PEX14: variants seen among roughly 807,000 people sequenced by gnomAD.
PEX14 encodes peroxisomal membrane protein PEX14.
PEX14 carries 15 observed loss-of-function variants against 49.5 expected under a neutral mutation model. That is an observed-to-expected ratio of 0.30 (90% CI 0.20 to 0.47). PEX14 has a LOEUF of 0.47. Ranked by LOEUF, PEX14 falls within the 20% of genes least tolerant of loss-of-function variation. The probability of loss-of-function intolerance (pLI) is 1.00; values close to 1 mark genes in which losing one functional copy is unlikely to be tolerated. For missense variants in PEX14, 398 were observed against 494.8 expected (o/e 0.80, Z 1.86); for synonymous variants, 210 against 212.7 (o/e 0.99, Z 0.11).
chr1:10,534,828 C>T (rs76853348), intron 2 of PEX14, among the ~76,000 whole-genome samples: 2,034 of 152,258 alleles, frequency 0.013, 20 homozygotes, highest in Admixed American at 0.023. Context: ...AAGCCTCCCA[C>T]GGAGGGGTTG....
intron 7 of PEX14, among the ~76,000 whole-genome samples, chr1:10,625,793 G>A (rs1441566717): frequency 2.0e-5 from 3 of 152,246 alleles, no homozygotes; most frequent in African/African-American, 7.2e-5. Flanking sequence ...CTGAGATTAA[G>A]ACCACATGTT....
chr1:10,503,655 A>G (rs549134151), intron 2 of PEX14, among the ~76,000 whole-genome samples: 59 of 152,090 alleles, frequency 3.9e-4, no homozygotes, highest in African/African-American at 1.4e-3. Context: ...AAAAGCCCCC[A>G]GTGTGAAAAC....
chr1:10,491,871 C>T (rs1180284227), intron 1 of PEX14, among the ~76,000 whole-genome samples: 5 of 151,528 alleles, frequency 3.3e-5, no homozygotes, highest in African/African-American at 7.3e-5. Flanking sequence ...TTTGTAGAGA[C>T]GGGGTTTCGC....
intron 5 of PEX14, among the ~76,000 whole-genome samples, chr1:10,619,000 G>A (rs770388929): frequency 7.2e-5 from 11 of 152,208 alleles, no homozygotes; most frequent in Non-Finnish European, 1.3e-4. Flanking sequence ...TAAGAGCGGC[G>A]GTGAGAACCT....
intron 3 of PEX14, among the ~76,000 whole-genome samples, chr1:10,542,727 C>CTCCA (rs61394893): frequency 0.16 from 24,243 of 152,064 alleles, 2,129 homozygotes; most frequent in South Asian, 0.31. Context: ...TGTCACCGCA[C>CTCCA]TCCAGCCTGG....
In PEX14 at chr1:10,512,199, C is replaced by T. The variant is rs1297655726; in HGVS notation, c.84+16878C>T. On this transcript the variant is annotated intron_variant, in intron 2 of 8. Transcript: ENST00000356607. The surrounding 1 kb of genome is among the most constrained non-coding windows in gnomAD (Gnocchi z 4.6). The stretch of plus-strand genomic sequence containing the variant: ...GGTCTCGACCTCCTGACCTCGTGAT[C>T]TGCCCTCCTCGGCCTCCCAAAGTGC... 6.6e-6 allele frequency among the ~76,000 whole-genome samples: 1 copy of T among 152,196 alleles called. No individual in the cohort carries two copies. The highest frequency in any genetic ancestry group is 2.4e-5 in the African/African-American group (1 of 41,448).
At position 10,630,307 on chromosome 1, in the gene PEX14, C is replaced by T. The variant is rs1641887894; in HGVS notation, c.*320C>T. 4.2e-6 allele frequency: 2 copies of T among 471,476 alleles called. No individual in the cohort carries two copies. The highest frequency in any genetic ancestry group is 1.9e-5 in the African/African-American group (1 of 51,452). 29.2% of individuals were successfully genotyped at this position (471,476 alleles called of 1,614,324 possible). A position where few individuals can be genotyped will look rare whatever the true frequency, so the allele number is the denominator to read the frequency against. ...CCAGCCCCCTCTCCCGGACAGACGC[C>T]TTGCCCAGGGTGTGTTTGCTGAGTG... On this transcript the variant is annotated 3_prime_UTR_variant, in exon 9 of 9. Transcript: ENST00000356607. This position sits in a 1 kb window ranked among gnomAD's most constrained non-coding sequence, Gnocchi z 4.1.
At chr1:10,559,756 G>C (rs1298352254) in intron 3 of PEX14, among the ~76,000 whole-genome samples, 1 of 152,232 alleles carries the variant, frequency 6.6e-6, no homozygotes, top group East Asian at 1.9e-4. Flanking sequence ...TCTTCTCTCA[G>C]AGGACAACTG....
intron 4 of PEX14, among the ~76,000 whole-genome samples, chr1:10,605,540 G>T (rs1641101603): frequency 6.6e-6 from 1 of 152,232 alleles, no homozygotes; most frequent in Non-Finnish European, 1.5e-5. Context: ...TAGACCCAAG[G>T]TGTCAAGGAA....
chr1:10,629,665 C>G lies in PEX14; in HGVS notation c.812C>G (p.Ser271Cys). 6.2e-7 allele frequency: 1 copy of G among 1,613,856 alleles called. No individual in the cohort carries two copies. Among genetic ancestry groups the G allele is most frequent in the Admixed American group, 1.7e-5 (1 of 60,006 alleles). ...GACATCTCACCTGTCAGCAACGAGT[C>G]CACGTCGTCCTCGCCTGGGAAGGAG... is the stretch of plus-strand genomic sequence containing the variant. ...SSDISPVSNE[S>C]TSSSPGKEGH... Residue 271 changes from serine (S) to cysteine (C), a missense_variant, in exon 9 of 9, where the codon TCC becomes TGC. Physicochemically the swap from Ser to Cys is moderately radical, Grantham distance 112. Transcript: ENST00000356607. This position sits in a 1 kb window ranked among gnomAD's most constrained non-coding sequence, Gnocchi z 8.5.
chr1:10,481,004 TAA>T (rs1483904056), intron 1 of PEX14, among the ~76,000 whole-genome samples: 2 of 152,054 alleles, frequency 1.3e-5, no homozygotes, highest in Non-Finnish European at 2.9e-5. Flanking sequence ...ACAAGAAATT[TAA>T]GTGTTGATAA....
chr1:10,591,374 T>C (rs1296226936), intron 3 of PEX14, among the ~76,000 whole-genome samples: 1 of 152,220 alleles, frequency 6.6e-6, no homozygotes, highest in Non-Finnish European at 1.5e-5. Context: ...TTGTATCTTC[T>C]TCTGTCTTGG....
At chr1:10,571,022 T>G (rs947573360) in intron 3 of PEX14, among the ~76,000 whole-genome samples, 7 of 145,076 alleles carry the variant, frequency 4.8e-5, no homozygotes, top group South Asian at 2.3e-4. Context: ...CTAGTTTTTT[T>G]TTTTTTTTTT....
chr1:10,601,347 C>T (rs1184006121), intron 4 of PEX14, among the ~76,000 whole-genome samples: 5 of 151,954 alleles, frequency 3.3e-5, no homozygotes, highest in African/African-American at 1.2e-4. Context: ...GATCCCCCAG[C>T]ACCTGGTCTG....
chr1:10,525,228 C>T (rs1638435979), intron 2 of PEX14, among the ~76,000 whole-genome samples: 1 of 152,036 alleles, frequency 6.6e-6, no homozygotes, highest in African/African-American at 2.4e-5. Context: ...CAAACTTGTA[C>T]CTTGATACTA....
At chr1:10,552,174 T>A (rs899478370) in intron 3 of PEX14, among the ~76,000 whole-genome samples, 2 of 152,212 alleles carry the variant, frequency 1.3e-5, no homozygotes, top group Non-Finnish European at 2.9e-5. Context: ...CTGGGTGTGG[T>A]GGCTCATGCC....
intron 7 of PEX14, among the ~76,000 whole-genome samples, chr1:10,624,702 C>G (rs1295062284): frequency 6.6e-6 from 1 of 152,210 alleles, no homozygotes; most frequent in South Asian, 2.1e-4. Context: ...AAAAGCTACC[C>G]TCTGCCTGTG....
At chr1:10,525,320 TAA>T (rs199862806) in intron 2 of PEX14, among the ~76,000 whole-genome samples, 6 of 145,562 alleles carry the variant, frequency 4.1e-5, no homozygotes, top group African/African-American at 1.5e-4. Context: ...GAAAGATGTG[TAA>T]AAAAAAAAAA....
chr1:10,537,393 C>G (rs116292963), intron 3 of PEX14, among the ~76,000 whole-genome samples: 6 of 120,508 alleles, frequency 5.0e-5, no homozygotes, highest in Non-Finnish European at 8.0e-5. Context: ...AGTGTGTTGG[C>G]TGGCCTCGCC....
Sources: allele counts gnomAD v4.1 joint callset (sites outside exome capture counted in the v4.1 genomes callset), GRCh38; gene constraint gnomAD v4.1.1; non-coding constraint Gnocchi (gnomAD v3.1); transcripts MANE v1.5; gene names NCBI Gene and HGNC (gene_info 2026-07-23, HGNC 2026-07-21).